The following EEPD1 variants were observed in gnomAD, a reference collection of about 807,000 sequenced individuals.
EEPD1 encodes the protein endonuclease/exonuclease/phosphatase family domain containing 1, also known as endonuclease/exonuclease/phosphatase family domain-containing protein 1.
A neutral mutation model predicts 46.3 loss-of-function variants in EEPD1; 17 were observed. That is an observed-to-expected ratio of 0.37 (90% CI 0.25 to 0.55). The LOEUF (loss-of-function observed/expected upper bound fraction) is 0.55. Among genes scored for constraint, EEPD1 ranks in the 20% least tolerant of loss-of-function variants. EEPD1 has a pLI of 0.83. For missense variants in EEPD1, 673 were observed against 745.6 expected, an observed-to-expected ratio of 0.90 and a Z score of 1.13; for synonymous variants, 313 against 315.6, an observed-to-expected ratio of 0.99 and a Z score of 0.09.
At chr7:36,198,520 TG>T (rs1433546771) in intron 2 of EEPD1, among the ~76,000 whole-genome samples, 2 of 150,058 alleles carry the variant, frequency 1.3e-5, no homozygotes, top group Admixed American at 6.7e-5. Context: ...ATGTGGTACG[TG>T]ACTGTAGAAT....
At chr7:36,165,407 T>TTTCC in intron 2 of EEPD1, among the ~76,000 whole-genome samples, 1 of 135,452 alleles carries the variant, frequency 7.4e-6, no homozygotes, top group African/African-American at 2.8e-5. Context: ...TAATGATCCA[T>TTTCC]TTCCTTTTTT....
chr7:36,280,936 CT>C lies in EEPD1; in HGVS notation c.931-177del. 1.1e-5 allele frequency: 6 copies of C among 530,232 alleles called. No homozygotes were observed. The South Asian group carries it at 1.8e-4, about 16-fold the overall frequency. The allele number at this position is 530,232 out of a possible 1,614,324, so 32.8% of individuals were successfully genotyped here. A position where few individuals can be genotyped will look rare whatever the true frequency, so the allele number is the denominator to read the frequency against. Reference sequence around the variant, plus strand: ...GCAGTTTTCTTTTTAATGTGTGGTGCTTGTTTAGTCATCTGGCTCTTGCAAA... The same window carrying C: ...GCAGTTTTCTTTTTAATGTGTGGTGCTGTTTAGTCATCTGGCTCTTGCAAA... On this transcript the variant is annotated intron_variant, in intron 3 of 7. Coordinates refer to ENST00000242108, the MANE Select transcript of EEPD1 (RefSeq NM_030636.3).
chr7:36,234,755 C>A (rs1786399200), intron 2 of EEPD1, among the ~76,000 whole-genome samples: 1 of 151,998 alleles, frequency 6.6e-6, no homozygotes, highest in Non-Finnish European at 1.5e-5. Flanking sequence ...TTCCGTAGAA[C>A]CTGTGCGGGT....
Position 36,154,934 on chromosome 7 carries a change from T to A in EEPD1, c.610T>A (p.Ser204Thr), listed in dbSNP as rs758943146. ...GTTTGCTGAGAGGTCCAGGCCCCCA[T>A]CCACCCACACGAACGGGGGACTGAC... ...QVFAERSRPPSTHTNGGLTFT... is the reference protein window; with the variant it reads ...QVFAERSRPPTTHTNGGLTFT... Residue 204 changes from serine (S) to threonine (T), a missense_variant, in exon 2 of 8, where the codon TCC becomes ACC. Ser to Thr is a moderately conservative substitution (Grantham distance 58). Coordinates refer to ENST00000242108, the MANE Select transcript of EEPD1 (RefSeq NM_030636.3). This position sits in a 1 kb window ranked among gnomAD's most constrained non-coding sequence, Gnocchi z 4.2. The A allele has an allele frequency of 2.5e-6, 4 of 1,613,758 alleles. No homozygotes were observed. Among genetic ancestry groups the A allele is most frequent in the Non-Finnish European group, 2.5e-6 (3 of 1,179,978 alleles).
chr7:36,175,649 T>C (rs1785163926), intron 2 of EEPD1, among the ~76,000 whole-genome samples: 1 of 152,144 alleles, frequency 6.6e-6, no homozygotes, highest in Non-Finnish European at 1.5e-5. Context: ...AATCTCTGGT[T>C]CTATTCCCTA....
intron 2 of EEPD1, among the ~76,000 whole-genome samples, chr7:36,205,496 G>A (rs948702885): frequency 2.0e-5 from 3 of 152,178 alleles, no homozygotes; most frequent in African/African-American, 7.2e-5. Flanking sequence ...GAAGGGAGTG[G>A]CCTGTAAAGT....
intron 2 of EEPD1, among the ~76,000 whole-genome samples, chr7:36,224,927 C>G (rs531550567): frequency 9.9e-5 from 15 of 151,838 alleles, no homozygotes; most frequent in Non-Finnish European, 2.2e-4. Context: ...TAATTGCAAT[C>G]ACAAGTGTCC....
At chr7:36,259,401 C>T (rs768624486) in intron 3 of EEPD1, among the ~76,000 whole-genome samples, 1 of 152,136 alleles carries the variant, frequency 6.6e-6, no homozygotes, top group Admixed American at 6.5e-5. Context: ...GATATAGAAA[C>T]GTTACTACTG....
chr7:36,154,839 G>A lies in EEPD1; in HGVS notation c.515G>A (p.Arg172His), dbSNP rs748646103. 13 of 1,614,070 alleles carry A rather than the reference G, an allele frequency of 8.1e-6. No individual in the cohort carries two copies. Among genetic ancestry groups the A allele is most frequent in the African/African-American group, 1.3e-5 (1 of 74,924 alleles). The change falls in exon 2 of 8, where the codon CGC (arginine) becomes CAC (histidine). Residue 172 changes from arginine to histidine, a missense_variant. Physicochemically the swap from Arg to His is conservative, Grantham distance 29. Transcript: ENST00000242108. The surrounding 1 kb of genome is among the most constrained non-coding windows in gnomAD (Gnocchi z 4.2). ...TTCCGCCGTGAGCATGGGCCCTTTC[G>A]CAGCGTTGAGGACCTAGTGAGGATG... ...VDFRREHGPF[R>H]SVEDLVRMDG...
rs546020980 is a variant in EEPD1, at chr7:36,157,947, A to G, written c.878+2745A>G. ...ATTAGTAAGAGGAAATACATTTAGT[A>G]TGAGCAAGAATGGGTGCAGGTGATT... On this transcript the variant is annotated intron_variant, in intron 2 of 7. Coordinates refer to ENST00000242108, the MANE Select transcript of EEPD1 (RefSeq NM_030636.3). Among the ~76,000 whole-genome samples, 6 of 152,332 alleles carry G rather than the reference A, an allele frequency of 3.9e-5. No individual in the cohort carries two copies. The South Asian group carries it at 1.2e-3, about 32-fold the overall frequency.
At chr7:36,272,797 A>G (rs1787131426) in intron 3 of EEPD1, among the ~76,000 whole-genome samples, 1 of 152,204 alleles carries the variant, frequency 6.6e-6, no homozygotes, top group African/African-American at 2.4e-5. Context: ...CCATGGAAGA[A>G]GAATGGGGAA....
intron 6 of EEPD1, among the ~76,000 whole-genome samples, chr7:36,291,733 G>A (rs1787444537): frequency 6.6e-6 from 1 of 152,112 alleles, no homozygotes; most frequent in Non-Finnish European, 1.5e-5. Context: ...CCGTGGCCAG[G>A]AAAAAAAGAT....
chr7:36,196,623 G>A (rs912801344), intron 2 of EEPD1, among the ~76,000 whole-genome samples: 20 of 152,228 alleles, frequency 1.3e-4, no homozygotes, highest in Non-Finnish European at 2.5e-4. Flanking sequence ...TGTGTTGGCC[G>A]GACTGGTCTC....
intron 4 of EEPD1, among the ~76,000 whole-genome samples, chr7:36,281,988 A>G (rs547202395): frequency 3.3e-5 from 5 of 152,250 alleles, no homozygotes; most frequent in African/African-American, 7.2e-5. Flanking sequence ...TCATAAATGT[A>G]TACTGGATTA....
intron 3 of EEPD1, among the ~76,000 whole-genome samples, chr7:36,242,423 T>C (rs1159611791): frequency 6.6e-6 from 1 of 152,172 alleles, no homozygotes; most frequent in African/African-American, 2.4e-5. Flanking sequence ...CCAAATTCGC[T>C]GAGTTTCCTC....
chr7:36,299,580 G>A lies in EEPD1; in HGVS notation c.*374G>A, dbSNP rs943120628. ...AGGCTGCGGGCCACAGTCCAGCAGCGCCAGAAGCACTCATTTCTGACCACC... is the reference window on the plus strand; with the variant it reads ...AGGCTGCGGGCCACAGTCCAGCAGCACCAGAAGCACTCATTTCTGACCACC... On this transcript the variant is annotated 3_prime_UTR_variant, in exon 8 of 8. Transcript: ENST00000242108. The A allele has an allele frequency of 1.5e-5, 4 of 258,828 alleles. No individual in the cohort carries two copies. Among genetic ancestry groups the A allele is most frequent in the Non-Finnish European group, 1.5e-5 (2 of 133,836 alleles). 16.0% of individuals were successfully genotyped at this position (258,828 alleles called of 1,614,324 possible). A position where few individuals can be genotyped will look rare whatever the true frequency, so the allele number is the denominator to read the frequency against.
chr7:36,214,284 T>C (rs950861705), intron 2 of EEPD1, among the ~76,000 whole-genome samples: 6 of 152,172 alleles, frequency 3.9e-5, no homozygotes, highest in Non-Finnish European at 7.3e-5. Flanking sequence ...GTTCACATAG[T>C]AAACTGACAT....
intron 3 of EEPD1, among the ~76,000 whole-genome samples, chr7:36,245,834 G>C (rs1786631645): frequency 2.0e-5 from 3 of 152,168 alleles, no homozygotes; most frequent in Non-Finnish European, 2.9e-5. Context: ...GCAAGAACTT[G>C]CTGTAAGAAG....
chr7:36,196,298 AT>A (rs113880240), intron 2 of EEPD1, among the ~76,000 whole-genome samples: 5,185 of 149,536 alleles, frequency 0.035, 295 homozygotes, highest in African/African-American at 0.12. Context: ...GCTACACTAA[AT>A]TTTTTTTTTT....
Sources: allele counts gnomAD v4.1 joint callset (sites outside exome capture counted in the v4.1 genomes callset), GRCh38; gene constraint gnomAD v4.1.1; non-coding constraint Gnocchi (gnomAD v3.1); transcripts MANE v1.5; gene names NCBI Gene and HGNC (gene_info 2026-07-23, HGNC 2026-07-21).